The following STX5 variants were observed in gnomAD, a reference collection of about 807,000 sequenced individuals.
STX5 encodes the protein syntaxin-5.
A neutral mutation model predicts 42.9 loss-of-function variants in STX5; 15 were observed. That is an observed-to-expected ratio of 0.35 (90% CI 0.23 to 0.54). STX5 has a LOEUF of 0.54. STX5 is among the 20% of genes least tolerant of loss of function. The probability of loss-of-function intolerance (pLI) is 0.91; values close to 1 mark genes in which losing one functional copy is unlikely to be tolerated. For synonymous variants in STX5, 184 were observed against 173.2 expected (o/e 1.06, Z -0.49); for missense variants, 430 against 455.0 (o/e 0.95, Z 0.50).
At chr11:62,820,333 C>T (rs1161306004) in intron 10 of STX5, among the ~76,000 whole-genome samples, 1 of 149,426 alleles carries the variant, frequency 6.7e-6, no homozygotes, top group Non-Finnish European at 1.5e-5. Context: ...CACGCGACTG[C>T]ACTCCAGCCT....
At chr11:62,830,332 G>A (rs1437553212) in intron 2 of STX5, 7 of 299,778 alleles carry the variant, frequency 2.3e-5, no homozygotes, top group Non-Finnish European at 4.7e-5. Flanking sequence ...TACTGATCTA[G>A]GGCCAGGTGT....
Position 62,807,404 on chromosome 11 carries a change from C to T in STX5, c.*65G>A, listed in dbSNP as rs532864812. The T allele has an allele frequency of 5.2e-4, 824 of 1,579,214 alleles. 5 individuals are homozygous for T. The highest frequency in any genetic ancestry group is 8.4e-4 in the South Asian group (73 of 86,648). On this transcript the variant is annotated 3_prime_UTR_variant, in exon 11 of 11. Coordinates refer to ENST00000294179, the MANE Select transcript of STX5 (RefSeq NM_003164.5). Reference sequence around the variant, plus strand: ...GTACCCTGCACAGGCTCAGTGGCAGCACTGGCCACTTGCCTTCCCAGGAGG... The same window carrying T: ...GTACCCTGCACAGGCTCAGTGGCAGTACTGGCCACTTGCCTTCCCAGGAGG...
chr11:62,807,323 G>T lies in STX5; in HGVS notation c.*146C>A, dbSNP rs1231294171. 2.3e-6 allele frequency: 3 copies of T among 1,292,154 alleles called. No individual in the cohort carries two copies. The African/African-American group carries it at 4.5e-5, about 19-fold the overall frequency. 80.0% of individuals were successfully genotyped at this position (1,292,154 alleles called of 1,614,324 possible). On this transcript the variant is annotated 3_prime_UTR_variant, in exon 11 of 11. Coordinates refer to ENST00000294179, the MANE Select transcript of STX5 (RefSeq NM_003164.5). ...GGGTGGCCAGAGGCAAGGGGTGGGG[G>T]ATCAGGGGCAGTGGTCATTCTTAGC...
In STX5 at chr11:62,810,344, A is replaced by G. The variant is rs561570955; in HGVS notation, c.909-2716T>C. Among the ~76,000 whole-genome samples, 3 of 152,212 alleles carry G rather than the reference A, an allele frequency of 2.0e-5. No homozygotes were observed. The South Asian group carries it at 6.2e-4, about 32-fold the overall frequency. ...GTTATCCCAGCTACTGGGGAGGCTG[A>G]GGTGGGGGGATCACTTGTGCCCAGG... On this transcript the variant is annotated intron_variant, in intron 10 of 10. Transcript: ENST00000294179.
intron 1 of STX5, 110 bp from the exon 2 acceptor site, chr11:62,831,372 T>TCG: frequency 1.2e-6 from 1 of 836,784 alleles, no homozygotes; most frequent in South Asian, 1.4e-5. Flanking sequence ...TCGTGGACTT[T>TCG]CGCGCCCAGG....
chr11:62,818,579 AAAG>A (rs1284126572), intron 10 of STX5, among the ~76,000 whole-genome samples: 46 of 151,516 alleles, frequency 3.0e-4, no homozygotes, highest in Non-Finnish European at 4.9e-4. Context: ...AAAAAAAAAA[AAAG>A]AATAAATCTG....
At chr11:62,813,799 T>C (rs895693816) in intron 10 of STX5, among the ~76,000 whole-genome samples, 3 of 152,102 alleles carry the variant, frequency 2.0e-5, no homozygotes, top group Non-Finnish European at 4.4e-5. Flanking sequence ...TGAAGATAAA[T>C]GCCGCTCCAC....
chr11:62,819,914 C>G (rs2084720075), intron 10 of STX5, among the ~76,000 whole-genome samples: 1 of 150,210 alleles, frequency 6.7e-6, no homozygotes, highest in African/African-American at 2.5e-5. Context: ...TTTGGCCAAG[C>G]AGGTCTCAAA....
At chr11:62,818,187 G>C (rs545066155) in intron 10 of STX5, among the ~76,000 whole-genome samples, 6 of 148,370 alleles carry the variant, frequency 4.0e-5, no homozygotes, top group Admixed American at 2.7e-4. Flanking sequence ...AGAGGTTGCA[G>C]TGAGCCAAGA....
Position 62,824,139 on chromosome 11 carries a change from T to C in STX5, c.908+27A>G, listed in dbSNP as rs147406023. On this transcript the variant is annotated intron_variant, in intron 10 of 10. Transcript: ENST00000294179. ...ATCCACGGGGAAGAGAAAGCTCCTC[T>C]GTTTGGGGCGAGAGAGTGTATCTCA... 2.8e-4 allele frequency: 451 copies of C among 1,614,108 alleles called. 3 individuals are homozygous for C. In the African/African-American group the frequency reaches 5.5e-3, roughly 20 times the overall value.
At chr11:62,828,497 C>A (rs539639229) in intron 2 of STX5, among the ~76,000 whole-genome samples, 138 of 152,190 alleles carry the variant, frequency 9.1e-4, no homozygotes, top group African/African-American at 3.3e-3. Context: ...AAAGCTGAGG[C>A]AGGCGGATCA....
intron 10 of STX5, among the ~76,000 whole-genome samples, chr11:62,813,803 G>C (rs1320656389): frequency 1.3e-5 from 2 of 151,918 alleles, no homozygotes; most frequent in Non-Finnish European, 2.9e-5. Context: ...GATAAATGCC[G>C]CTCCACCCCG....
chr11:62,822,463 C>T (rs1490359869), intron 10 of STX5, among the ~76,000 whole-genome samples: 1 of 152,134 alleles, frequency 6.6e-6, no homozygotes, highest in Non-Finnish European at 1.5e-5. Flanking sequence ...TCCCCTCTGA[C>T]CACACCTTGT....
chr11:62,831,128 G>A lies in STX5; in HGVS notation c.116C>T (p.Ala39Val), dbSNP rs375690349. ...ATAGSSSSDIAPLPPPVTLVP... is the reference protein window; with the variant it reads ...ATAGSSSSDIVPLPPPVTLVP... ...GAGGGTCACTGGGGGGGGCAGAGGGGCGATGTCGCTGCTGCTACTGCCAGC... is the reference window on the plus strand; with the variant it reads ...GAGGGTCACTGGGGGGGGCAGAGGGACGATGTCGCTGCTGCTACTGCCAGC... The change falls in exon 2 of 11, where the codon GCC (alanine) becomes GTC (valine). Residue 39 changes from alanine to valine, a missense_variant. By Grantham distance (64) the Ala-to-Val change is moderately conservative. Transcript: ENST00000294179. 179 of 1,555,486 alleles carry A rather than the reference G, an allele frequency of 1.2e-4. No individual in the cohort carries two copies. The highest frequency in any genetic ancestry group is 1.0e-4 in the Non-Finnish European group (120 of 1,149,530).
At chr11:62,818,885 T>G (rs529917073) in intron 10 of STX5, among the ~76,000 whole-genome samples, 85 of 150,938 alleles carry the variant, frequency 5.6e-4, no homozygotes, top group African/African-American at 1.8e-3. Flanking sequence ...AAAAAACAAC[T>G]GTATATCCAG....
In STX5 at chr11:62,825,283, C is replaced by A; in HGVS notation, c.597G>T (p.Glu199Asp). The A allele has an allele frequency of 6.2e-7, 1 of 1,614,136 alleles. No homozygotes were observed. Among genetic ancestry groups the A allele is most frequent in the South Asian group, 1.1e-5 (1 of 91,070 alleles). Residue 199 changes from glutamate to aspartate, a missense_variant and splice_region_variant, in exon 7 of 11, where the codon GAG becomes GAT. Coordinates refer to ENST00000294179, the MANE Select transcript of STX5 (RefSeq NM_003164.5). Reference protein sequence around the residue: ...DFKSVLEVRTENLKQQRSRRE... With the variant: ...DFKSVLEVRTDNLKQQRSRRE... ...CCCCTCCTACGCAGATTGTTCTCAC[C>A]TCTGTCCTCACTTCTAAAACCGATT... is the stretch of plus-strand genomic sequence containing the variant.
At chr11:62,819,220 G>GAAAAAAAAAAAAAA (rs57390432) in intron 10 of STX5, among the ~76,000 whole-genome samples, 1 of 29,642 alleles carries the variant, frequency 3.4e-5, no homozygotes, top group African/African-American at 1.5e-4. Context: ...GACTCTGTCT[G>GAAAAAAAAAAAAAA]AAAAAAAAAA....
chr11:62,822,083 C>T (rs756937870), intron 10 of STX5, among the ~76,000 whole-genome samples: 4 of 151,998 alleles, frequency 2.6e-5, no homozygotes, highest in Non-Finnish European at 4.4e-5. Context: ...ATGTATTTGG[C>T]CAGTTGTGAT....
chr11:62,808,046 A>G (rs1259521656), intron 10 of STX5: 2 of 162,954 alleles, frequency 1.2e-5, no homozygotes, highest in African/African-American at 2.4e-5. Flanking sequence ...AAGGGGAAAA[A>G]TGTTCACAGA....
Sources: gnomAD v4.1 joint callset for allele counts (sites outside exome capture counted in the v4.1 genomes callset) on GRCh38, gnomAD v4.1.1 for gene constraint, MANE v1.5 for transcripts, NCBI Gene and HGNC (gene_info 2026-07-23, HGNC 2026-07-21) for gene names.